Variants in MRPS14 observed in about 807,000 individuals in gnomAD.
MRPS14 encodes mitochondrial ribosomal protein S14.
A neutral mutation model predicts 16.4 loss-of-function variants in MRPS14; 14 were observed. The ratio of observed to expected loss-of-function variants is 0.85; its 90% CI spans 0.56 to 1.33. The LOEUF is 1.33. Among genes scored for constraint, MRPS14 ranks in the 40% most tolerant of loss-of-function variants. MRPS14 has a pLI of 0.00. For synonymous variants in MRPS14, 54 were observed against 61.9 expected (o/e 0.87, Z 0.60); for missense variants, 162 against 176.8 (o/e 0.92, Z 0.48).
At chr1:175,018,721 AAT>A (rs1672926445) in intron 1 of MRPS14, 145 bp from the exon 2 acceptor site, 4 of 644,720 alleles carry the variant, frequency 6.2e-6, no homozygotes, top group Non-Finnish European at 9.7e-6. Context: ...AGTTTAAGAT[AAT>A]AGACTTCCTA....
At chr1:175,021,869 T>C (rs1672984868) in intron 1 of MRPS14, among the ~76,000 whole-genome samples, 1 of 152,176 alleles carries the variant, frequency 6.6e-6, no homozygotes, top group Non-Finnish European at 1.5e-5. Flanking sequence ...CAAAAGAGCA[T>C]TTCTATAAAT....
chr1:175,020,220 G>A (rs931648351), intron 1 of MRPS14, among the ~76,000 whole-genome samples: 1 of 152,160 alleles, frequency 6.6e-6, no homozygotes, highest in African/African-American at 2.4e-5. Flanking sequence ...CAGGGGAGGG[G>A]AGAAAAGGTA....
intron 1 of MRPS14, among the ~76,000 whole-genome samples, chr1:175,020,670 G>A (rs1469742839): frequency 4.6e-5 from 7 of 152,006 alleles, no homozygotes; most frequent in African/African-American, 9.7e-5. Context: ...CACAACACCC[G>A]GCTAATTTTG....
chr1:175,015,808 C>G (rs1190449632), intron 2 of MRPS14, among the ~76,000 whole-genome samples: 3 of 152,134 alleles, frequency 2.0e-5, no homozygotes, highest in East Asian at 3.8e-4. Flanking sequence ...CAAAATAACA[C>G]ATTAAAATAA....
chr1:175,023,375 T>C lies in MRPS14; in HGVS notation c.34A>G (p.Thr12Ala), dbSNP rs558859529. ...AGTAGAGGCCTGACCTGCTTGAACG[T>C]CCGCAGCAGCGAGCCCAGCATGAAG... ...AAFMLGSLLRTFKQMVPSSAS... is the reference protein window; with the variant it reads ...AAFMLGSLLRAFKQMVPSSAS... Residue 12 changes from threonine to alanine, a missense_variant, in exon 1 of 3, where the codon ACG becomes GCG. Coordinates refer to ENST00000476371, the MANE Select transcript of MRPS14 (RefSeq NM_022100.3). 2.5e-6 allele frequency: 4 copies of C among 1,614,086 alleles called. No individual in the cohort carries two copies. Among genetic ancestry groups the C allele is most frequent in the African/African-American group, 2.7e-5 (2 of 75,004 alleles).
intron 2 of MRPS14, among the ~76,000 whole-genome samples, chr1:175,015,600 G>C (rs1287682983): frequency 6.6e-6 from 1 of 152,148 alleles, no homozygotes; most frequent in African/African-American, 2.4e-5. Flanking sequence ...TCATTTGCAA[G>C]GTAGAGGATG....
At chr1:175,015,617 G>A (rs989550316) in intron 2 of MRPS14, among the ~76,000 whole-genome samples, 1 of 152,140 alleles carries the variant, frequency 6.6e-6, no homozygotes, top group African/African-American at 2.4e-5. Context: ...GATGAATCAG[G>A]TAAGGGCAAA....
chr1:175,019,440 C>A (rs775898535), intron 1 of MRPS14, among the ~76,000 whole-genome samples: 2 of 151,996 alleles, frequency 1.3e-5, no homozygotes, highest in Non-Finnish European at 2.9e-5. Context: ...CGCCACCACA[C>A]CTGGCTGTTT....
rs544850777 is a variant in MRPS14 at position 175,017,683 on chromosome 1, A to G, written c.204+735T>C. Among the ~76,000 whole-genome samples, 6 of 152,254 alleles carry G rather than the reference A, an allele frequency of 3.9e-5. No homozygotes were observed. In the East Asian group the frequency reaches 1.2e-3, roughly 29 times the overall value. On this transcript the variant is annotated intron_variant, in intron 2 of 2. Coordinates refer to ENST00000476371, the MANE Select transcript of MRPS14 (RefSeq NM_022100.3). ...GCAGGGTGACAAGGAAGTAAGCCTT[A>G]ATGGAAAGGCACTTCAGCACACAGA...
rs1558329535 is a variant in MRPS14 at position 175,014,632 on chromosome 1, T to TGGCTTCCCTGCAAGCTC, written c.*20_*36dup. On this transcript the variant is annotated 3_prime_UTR_variant, in exon 3 of 3. Transcript: ENST00000476371. ...TCTTTGCTTGCTGGAACTGCAAGCT[T>TGGCTTCCCTGCAAGCTC]GGCTTCCCTGCAAGCTCAATAGGTT... 2 of 1,561,178 alleles carry TGGCTTCCCTGCAAGCTC rather than the reference T, an allele frequency of 1.3e-6. No individual in the cohort carries two copies. Among genetic ancestry groups the TGGCTTCCCTGCAAGCTC allele is most frequent in the Non-Finnish European group, 1.7e-6 (2 of 1,155,378 alleles).
Position 175,014,464 on chromosome 1 carries a change from G to C in MRPS14, c.*205C>G. On this transcript the variant is annotated 3_prime_UTR_variant, in exon 3 of 3. Transcript: ENST00000476371. ...TACTATGTATGGGAACAGTATGTTTGTTAAGTCCAAGAGAAAAGATAATTC... is the reference window on the plus strand; with the variant it reads ...TACTATGTATGGGAACAGTATGTTTCTTAAGTCCAAGAGAAAAGATAATTC... 1.9e-6 allele frequency: 1 copy of C among 517,004 alleles called. No homozygotes were observed. The highest frequency in any genetic ancestry group is 3.4e-6 in the Non-Finnish European group (1 of 296,410). 32.0% of individuals were successfully genotyped at this position (517,004 alleles called of 1,614,324 possible).
At chr1:175,020,570 G>A (rs536890305) in intron 1 of MRPS14, among the ~76,000 whole-genome samples, 23 of 151,742 alleles carry the variant, frequency 1.5e-4, no homozygotes, top group African/African-American at 5.3e-4. Context: ...GTGCAATGAC[G>A]CGATCGTGGC....
At chr1:175,022,259 G>A (rs1313701171) in intron 1 of MRPS14, among the ~76,000 whole-genome samples, 1 of 151,244 alleles carries the variant, frequency 6.6e-6, no homozygotes, top group African/African-American at 2.4e-5. Context: ...GGATATACCT[G>A]GTTAAATAAA....
intron 2 of MRPS14, among the ~76,000 whole-genome samples, chr1:175,018,111 G>A (rs1205638982): frequency 2.0e-5 from 3 of 151,286 alleles, no homozygotes; most frequent in East Asian, 1.9e-4. Context: ...GGAACAGAGC[G>A]AGACTCCATC....
chr1:175,014,244 G>A lies in MRPS14; in HGVS notation c.*425C>T. ...AACAATAATAGTTAAGGGGAGCTCT[G>A]CAGGTCAGCAAAGCTAGTCCAGGAT... is the stretch of plus-strand genomic sequence containing the variant. On this transcript the variant is annotated 3_prime_UTR_variant, in exon 3 of 3. Coordinates refer to ENST00000476371, the MANE Select transcript of MRPS14 (RefSeq NM_022100.3). 1 of 258,580 alleles carries A rather than the reference G, an allele frequency of 3.9e-6. No individual in the cohort carries two copies. Among genetic ancestry groups the A allele is most frequent in the Non-Finnish European group, 7.2e-6 (1 of 138,552 alleles). The allele number at this position is 258,580 out of a possible 1,614,324, so 16.0% of individuals were successfully genotyped here. A position where few individuals can be genotyped will look rare whatever the true frequency, so the allele number is the denominator to read the frequency against.
rs749585486 is a variant in MRPS14 at position 175,014,449 on chromosome 1, G to A, written c.*220C>T. On this transcript the variant is annotated 3_prime_UTR_variant, in exon 3 of 3. Coordinates refer to ENST00000476371, the MANE Select transcript of MRPS14 (RefSeq NM_022100.3). ...TTATGCTACTCTTTGTACTATGTAT[G>A]GGAACAGTATGTTTGTTAAGTCCAA... 4.0e-6 allele frequency: 2 copies of A among 496,880 alleles called. No individual in the cohort carries two copies. The highest frequency in any genetic ancestry group is 3.7e-5 in the Admixed American group (1 of 26,718). 30.8% of individuals were successfully genotyped at this position (496,880 alleles called of 1,614,324 possible). A position where few individuals can be genotyped will look rare whatever the true frequency, so the allele number is the denominator to read the frequency against.
intron 1 of MRPS14, among the ~76,000 whole-genome samples, chr1:175,021,338 A>G (rs1672974895): frequency 6.6e-6 from 1 of 152,184 alleles, no homozygotes; most frequent in Non-Finnish European, 1.5e-5. Flanking sequence ...TTATTTCAAT[A>G]TACATGAAAT....
chr1:175,015,936 G>A (rs966780522), intron 2 of MRPS14, among the ~76,000 whole-genome samples: 14 of 152,182 alleles, frequency 9.2e-5, no homozygotes, highest in African/African-American at 3.1e-4. Context: ...AGTGGCTCAC[G>A]CCTATAATCC....
chr1:175,017,987 G>A (rs1406579035), intron 2 of MRPS14, among the ~76,000 whole-genome samples: 1 of 152,228 alleles, frequency 6.6e-6, no homozygotes, highest in East Asian at 1.9e-4. Flanking sequence ...AGCCAGGCAT[G>A]GTGGCATGTG....
Sources: allele counts gnomAD v4.1 joint callset (sites outside exome capture counted in the v4.1 genomes callset), GRCh38; gene constraint gnomAD v4.1.1; transcripts MANE v1.5; gene names NCBI Gene and HGNC (gene_info 2026-07-23, HGNC 2026-07-21).